RGS7: variants seen among roughly 807,000 people sequenced by gnomAD.
RGS7 encodes regulator of G protein signaling 7, also known as regulator of G-protein signaling 7.
In RGS7, 27 loss-of-function variants were observed where a neutral mutation model predicts 81.1. The observed-to-expected ratio is 0.33, with a 90% CI of 0.25 to 0.46. The LOEUF (loss-of-function observed/expected upper bound fraction) is 0.46, where lower values mean the gene tolerates loss of function less well. RGS7 is among the 20% of genes least tolerant of loss of function. The pLI, the probability that RGS7 is intolerant of heterozygous loss-of-function variation, is 1.00. For synonymous variants in RGS7, 208 were observed against 207.7 expected, an observed-to-expected ratio of 1.00 and a Z score of -0.01; for missense variants, 396 against 607.4, an observed-to-expected ratio of 0.65 and a Z score of 3.66.
intron 2 of RGS7, among the ~76,000 whole-genome samples, chr1:241,312,744 A>G (rs917791174): frequency 6.6e-6 from 1 of 152,210 alleles, no homozygotes; most frequent in African/African-American, 2.4e-5. Flanking sequence ...CATGGCCTCT[A>G]AGTGTTAAGT....
chr1:241,180,195 C>T (rs1426546259), intron 2 of RGS7, among the ~76,000 whole-genome samples: 1 of 151,994 alleles, frequency 6.6e-6, no homozygotes, highest in Non-Finnish European at 1.5e-5. Context: ...CACAGTGAAA[C>T]CCTGTCTCTC....
In RGS7 at chr1:241,161,427, A is replaced by G. The variant is rs568654803; in HGVS notation, c.79-62665T>C. Among the ~76,000 whole-genome samples, 17 of 150,960 alleles carry G rather than the reference A, an allele frequency of 1.1e-4. No individual in the cohort carries two copies. In the South Asian group the frequency reaches 2.7e-3, roughly 24 times the overall value. ...AATAATAATAACTAATAACACATTA[A>G]TAATAATAACTAATAATAACTAATG... On this transcript the variant is annotated intron_variant, in intron 2 of 18. Transcript: ENST00000440928.
rs1683024397 is a variant in RGS7, at chr1:240,970,477, G to A, written c.226+12602C>T. Among the ~76,000 whole-genome samples the A allele has an allele frequency of 2.0e-5, 3 of 152,186 alleles. No homozygotes were observed. The South Asian group carries it at 6.2e-4, about 32-fold the overall frequency. On this transcript the variant is annotated intron_variant, in intron 4 of 18. Transcript: ENST00000440928. ...AAACGCAACACCAAAAACAAATAAG[G>A]TGGGGAGTAAAAGAAAAGAGTGTGG...
intron 10 of RGS7, among the ~76,000 whole-genome samples, chr1:240,826,763 C>T (rs1318529034): frequency 6.6e-6 from 1 of 152,098 alleles, no homozygotes; most frequent in Admixed American, 6.5e-5. Flanking sequence ...TTAAGAGGGG[C>T]CCCTGCACTC....
At chr1:240,930,880 G>T in intron 5 of RGS7, 112 bp from the exon 6 acceptor site, 1 of 1,052,796 alleles carries the variant, frequency 9.5e-7, no homozygotes, top group Non-Finnish European at 1.5e-6. Flanking sequence ...TTTGCTATAT[G>T]TTTTATAATA....
intron 4 of RGS7, among the ~76,000 whole-genome samples, chr1:240,961,711 G>C (rs1239648518): frequency 6.6e-6 from 1 of 152,184 alleles, no homozygotes; most frequent in Non-Finnish European, 1.5e-5. Flanking sequence ...CCTTTCTGAG[G>C]ACAACAGTTT....
At chr1:241,291,204 A>G (rs2079069677) in intron 2 of RGS7, among the ~76,000 whole-genome samples, 1 of 152,200 alleles carries the variant, frequency 6.6e-6, no homozygotes, top group South Asian at 2.1e-4. Context: ...GAGGAAGACC[A>G]TGTGCCAAGT....
chr1:241,263,939 T>C (rs2077462357), intron 2 of RGS7, among the ~76,000 whole-genome samples: 1 of 152,158 alleles, frequency 6.6e-6, no homozygotes, highest in Non-Finnish European at 1.5e-5. Context: ...ATTATTCAAA[T>C]AAATGGCGCC....
At chr1:240,980,841 C>T (rs899337971) in intron 4 of RGS7, among the ~76,000 whole-genome samples, 13 of 152,166 alleles carry the variant, frequency 8.5e-5, no homozygotes, top group African/African-American at 3.1e-4. Flanking sequence ...AATTTTTCAG[C>T]CTGTCATAAA....
rs570626506 is a variant in RGS7 at position 240,777,021 on chromosome 1, G to A, written c.*7-808C>T. Among the ~76,000 whole-genome samples the A allele has an allele frequency of 5.9e-5, 9 of 152,312 alleles. No individual in the cohort carries two copies. In the East Asian group the frequency reaches 1.4e-3, roughly 23 times the overall value. The stretch of plus-strand genomic sequence containing the variant: ...AGAGATAAGAAATTTGAGACCGGGC[G>A]CAGTGGCTCACGCCTGTAATCCCAG... On this transcript the variant is annotated intron_variant, in intron 18 of 18. Coordinates refer to ENST00000440928, the MANE Select transcript of RGS7 (RefSeq NM_001364886.1).
intron 2 of RGS7, among the ~76,000 whole-genome samples, chr1:241,327,445 T>A (rs573416879): frequency 6.6e-6 from 1 of 152,292 alleles, no homozygotes; most frequent in East Asian, 1.9e-4. Flanking sequence ...AAATAATACA[T>A]AACAGGCAAG....
At chr1:240,949,186 T>C (rs192028804) in intron 4 of RGS7, among the ~76,000 whole-genome samples, 2 of 152,306 alleles carry the variant, frequency 1.3e-5, no homozygotes, top group Admixed American at 6.5e-5. Flanking sequence ...ATGCTCTCTT[T>C]TCTTATTTTC....
chr1:241,107,432 A>C (rs1345549525), intron 2 of RGS7, among the ~76,000 whole-genome samples: 1 of 152,212 alleles, frequency 6.6e-6, no homozygotes, highest in Non-Finnish European at 1.5e-5. Context: ...ATGATTAGGA[A>C]AGGCTGAAAG....
At chr1:241,101,667 CTTT>C (rs1391078896) in intron 2 of RGS7, among the ~76,000 whole-genome samples, 1 of 152,024 alleles carries the variant, frequency 6.6e-6, no homozygotes. Context: ...ACTCTGATGA[CTTT>C]TTATTTTGTT....
At chr1:241,177,111 C>T (rs1289445439) in intron 2 of RGS7, among the ~76,000 whole-genome samples, 2 of 152,160 alleles carry the variant, frequency 1.3e-5, no homozygotes, top group East Asian at 3.9e-4. Context: ...GTCTTACATT[C>T]TAGGGCAGGA....
chr1:241,318,267 T>C (rs140538149), intron 2 of RGS7, among the ~76,000 whole-genome samples: 199 of 152,314 alleles, frequency 1.3e-3, no homozygotes, highest in Non-Finnish European at 2.1e-3. Context: ...GGTAAAATTA[T>C]AGACATCTAT....
intron 18 of RGS7, among the ~76,000 whole-genome samples, chr1:240,780,479 G>C (rs1036225527): frequency 6.9e-6 from 1 of 145,946 alleles, no homozygotes; most frequent in Non-Finnish European, 1.5e-5. Context: ...CTTCCTCTTT[G>C]TGGGATGAAG....
intron 6 of RGS7, among the ~76,000 whole-genome samples, chr1:240,912,683 C>T (rs1422198149): frequency 6.6e-6 from 1 of 152,040 alleles, no homozygotes; most frequent in Non-Finnish European, 1.5e-5. Context: ...TTCTGGGCTT[C>T]TTACATAAAG....
chr1:241,063,878 T>G (rs907978290), intron 3 of RGS7, among the ~76,000 whole-genome samples: 2 of 152,140 alleles, frequency 1.3e-5, no homozygotes, highest in African/African-American at 4.8e-5. Flanking sequence ...CTAACGACAC[T>G]GCCACATGAA....
Sources: allele counts gnomAD v4.1 joint callset (sites outside exome capture counted in the v4.1 genomes callset), GRCh38; gene constraint gnomAD v4.1.1; transcripts MANE v1.5; gene names NCBI Gene and HGNC (gene_info 2026-07-23, HGNC 2026-07-21).